Variants in CUX1 observed in about 807,000 individuals in gnomAD.
The protein encoded by CUX1 is cut like homeobox 1.
A neutral mutation model predicts 158.8 loss-of-function variants in CUX1; 31 were observed. The observed-to-expected ratio is 0.20, with a 90% CI of 0.15 to 0.26. The LOEUF (loss-of-function observed/expected upper bound fraction) is 0.26. CUX1 is among the 10% of genes least tolerant of loss of function. CUX1 has a pLI of 1.00. For synonymous variants in CUX1, 879 were observed against 862.1 expected (o/e 1.02, Z -0.34); for missense variants, 1,589 against 2,014.6 (o/e 0.79, Z 4.04).
chr7:102,127,173 T>TG (rs1475501240), intron 8 of CUX1, among the ~76,000 whole-genome samples: 1 of 152,218 alleles, frequency 6.6e-6, no homozygotes, highest in Non-Finnish European at 1.5e-5. Flanking sequence ...GCCAAGGGAC[T>TG]GGGGACCCCT....
intron 3 of CUX1, among the ~76,000 whole-genome samples, chr7:102,031,848 C>T (rs1585345572): frequency 6.6e-6 from 1 of 151,974 alleles, no homozygotes; most frequent in Non-Finnish European, 1.5e-5. Flanking sequence ...TTACTATAGT[C>T]CTTGTTTGCA....
intron 2 of CUX1, among the ~76,000 whole-genome samples, chr7:101,949,087 G>T (rs1169647572): frequency 6.6e-6 from 1 of 152,126 alleles, no homozygotes; most frequent in Non-Finnish European, 1.5e-5. Flanking sequence ...AAAATCTGTT[G>T]TGTGTTCTTC....
intron 8 of CUX1, among the ~76,000 whole-genome samples, chr7:102,145,488 A>G (rs1459589768): frequency 6.6e-6 from 1 of 151,998 alleles, no homozygotes; most frequent in Non-Finnish European, 1.5e-5. Context: ...TGACTTTGAT[A>G]CACAATCATA....
In CUX1 at chr7:102,275,217, C is replaced by A; in HGVS notation, c.1451-30C>A. The A allele has an allele frequency of 3.9e-6, 6 of 1,536,658 alleles. 1 individual carries two copies. Among genetic ancestry groups the A allele is most frequent in the African/African-American group, 2.8e-5 (2 of 72,022 alleles). On this transcript the variant is annotated intron_variant, in intron 16 of 22. Coordinates refer to the CUX1 transcript ENST00000292538. ...GCCTGCTGGGTTCCACCTCCTGCCA[C>A]CCCCCAAGCCACCCTCCTCTACCTG...
At chr7:102,010,464 A>G (rs10259603) in intron 2 of CUX1, among the ~76,000 whole-genome samples, 58,078 of 151,180 alleles carry the variant, frequency 0.38, 11,689 homozygotes, top group Middle Eastern at 0.44. Context: ...TCACCAAGTG[A>G]ACCATGCATA....
At chr7:101,943,046 G>GATGTTAAC (rs1289871844) in intron 2 of CUX1, among the ~76,000 whole-genome samples, 1 of 148,708 alleles carries the variant, frequency 6.7e-6, no homozygotes, top group African/African-American at 2.5e-5. Flanking sequence ...GTACCTAGTG[G>GATGTTAAC]ATGTTAACTT....
At chr7:102,131,108 C>CAA (rs575289482) in intron 8 of CUX1, among the ~76,000 whole-genome samples, 232 of 65,662 alleles carry the variant, frequency 3.5e-3, no homozygotes, top group Non-Finnish European at 5.5e-3. Context: ...GACTCCATCT[C>CAA]AAAAAAAAAA....
chr7:102,201,579 C>G lies in CUX1; in HGVS notation c.2282C>G (p.Ala761Gly). The change falls in exon 18 of 24, where the codon GCC becomes GGC. Residue 761 changes from alanine (A) to glycine (G), a missense_variant. Ala to Gly is a moderately conservative substitution (Grantham distance 60). Transcript: ENST00000292535. This position sits in a 1 kb window ranked among gnomAD's most constrained non-coding sequence, Gnocchi z 5.0. ...ACCGTGTCCAGCTACCCACCTCTCG[C>G]CATCTCCCTGAAGAAGCCCTCCGCA... ...MPTVSSYPPLAISLKKPSAAP... is the reference protein window; with the variant it reads ...MPTVSSYPPLGISLKKPSAAP... 6.2e-7 allele frequency: 1 copy of G among 1,614,178 alleles called. No individual in the cohort carries two copies. The highest frequency in any genetic ancestry group is 8.5e-7 in the Non-Finnish European group (1 of 1,180,030).
chr7:101,966,404 C>T (rs1811216810), intron 2 of CUX1, among the ~76,000 whole-genome samples: 1 of 150,704 alleles, frequency 6.6e-6, no homozygotes, highest in Non-Finnish European at 1.5e-5. Context: ...ACAATTAATA[C>T]AGTAAATGAA....
At chr7:101,950,951 C>T (rs961369007) in intron 2 of CUX1, among the ~76,000 whole-genome samples, 8 of 152,176 alleles carry the variant, frequency 5.3e-5, no homozygotes, top group African/African-American at 1.4e-4. Context: ...GGTCTCACTT[C>T]CTTTGGTTTC....
intron 5 of CUX1, among the ~76,000 whole-genome samples, chr7:102,097,948 G>C (rs1343629958): frequency 2.0e-5 from 3 of 152,208 alleles, no homozygotes; most frequent in African/African-American, 7.2e-5. Flanking sequence ...CCCCGCTGTT[G>C]CCTTGTCAGT....
chr7:101,948,939 G>A (rs1010252748), intron 2 of CUX1, among the ~76,000 whole-genome samples: 1 of 152,136 alleles, frequency 6.6e-6, no homozygotes, highest in African/African-American at 2.4e-5. Context: ...GCCCATCACT[G>A]GTCTGCAACA....
intron 1 of CUX1, among the ~76,000 whole-genome samples, chr7:101,880,460 C>T (rs1325905468): frequency 1.3e-5 from 2 of 152,092 alleles, no homozygotes; most frequent in Non-Finnish European, 2.9e-5. Flanking sequence ...AGGAATAGCT[C>T]AGAAATCACG....
At chr7:102,144,076 C>T (rs1834760661) in intron 8 of CUX1, among the ~76,000 whole-genome samples, 1 of 152,250 alleles carries the variant, frequency 6.6e-6, no homozygotes, top group South Asian at 2.1e-4. Flanking sequence ...GCCACTGCGC[C>T]CAGCCAGGAC....
intron 1 of CUX1, among the ~76,000 whole-genome samples, chr7:101,825,078 C>T (rs1402505320): frequency 1.3e-5 from 2 of 152,306 alleles, no homozygotes; most frequent in Non-Finnish European, 2.9e-5. Context: ...TCGCCGAGAG[C>T]GTAGTCAGCA....
At chr7:102,278,628 TTAAAA>T (rs55743678) in intron 18 of CUX1, among the ~76,000 whole-genome samples, 13 of 101,672 alleles carry the variant, frequency 1.3e-4, no homozygotes, top group South Asian at 5.7e-4. Flanking sequence ...TAAAATAAAA[TTAAAA>T]TAAAATAAAA....
chr7:102,061,539 A>T (rs893821522), intron 3 of CUX1, among the ~76,000 whole-genome samples: 2 of 152,128 alleles, frequency 1.3e-5, no homozygotes, highest in Non-Finnish European at 2.9e-5. Flanking sequence ...CACTTTGCAG[A>T]TGAAAAAACT....
intron 14 of CUX1, among the ~76,000 whole-genome samples, chr7:102,265,320 T>C (rs1490498568): frequency 8.2e-5 from 12 of 147,100 alleles, no homozygotes; most frequent in African/African-American, 2.8e-4. Flanking sequence ...TACACCACTA[T>C]ACTCCAGCCT....
intron 2 of CUX1, among the ~76,000 whole-genome samples, chr7:101,993,515 T>C (rs540116712): frequency 5.5e-4 from 83 of 152,260 alleles, no homozygotes; most frequent in African/African-American, 1.9e-3. Context: ...TACCTTTTCA[T>C]TTCATAGTAT....
Sources: gnomAD v4.1 joint callset for allele counts (sites outside exome capture counted in the v4.1 genomes callset) on GRCh38, gnomAD v4.1.1 for gene constraint, Gnocchi (gnomAD v3.1) non-coding constraint, MANE v1.5 for transcripts, NCBI Gene and HGNC (gene_info 2026-07-23, HGNC 2026-07-21) for gene names.